The following GAREM2 variants were observed in gnomAD, a reference collection of about 807,000 sequenced individuals.
GAREM2 encodes GRB2 associated regulator of MAPK1 subtype 2, also known as GRB2-associated and regulator of MAPK protein 2.
Under a neutral mutation model 55.6 loss-of-function variants are expected in GAREM2, and 30 were observed. The observed-to-expected ratio is 0.54, with a 90% CI of 0.40 to 0.73. The LOEUF is 0.73. Ranked by LOEUF, GAREM2 falls within the 30% of genes least tolerant of loss-of-function variation. The pLI, the probability that GAREM2 is intolerant of heterozygous loss-of-function variation, is 0.00. For synonymous variants in GAREM2, 550 were observed against 569.1 expected (o/e 0.97, Z 0.48); for missense variants, 1,075 against 1,257.7 (o/e 0.85, Z 2.20).
chr2:26,179,424 A>C lies in GAREM2; in HGVS notation c.253+2940A>C, dbSNP rs1668972979. ...GGTGGGATTCAGCCAGATTTGTCGC[A>C]CTCCAAAGCCTGAGCTTTTACCCAC... On this transcript the variant is annotated intron_variant, in intron 2 of 5. Transcript: ENST00000401533. This position sits in a 1 kb window ranked among gnomAD's most constrained non-coding sequence, Gnocchi z 4.7. 6.6e-6 allele frequency among the ~76,000 whole-genome samples: 1 copy of C among 152,082 alleles called. No homozygotes were observed. The highest frequency in any genetic ancestry group is 2.4e-5 in the African/African-American group (1 of 41,398).
At chr2:26,203,150 A>G in the GAREM2 span, among the ~76,000 whole-genome samples, 1 of 152,260 alleles carries the variant, frequency 6.6e-6, no homozygotes, top group Non-Finnish European at 1.5e-5. Flanking sequence ...ACAACTTGTT[A>G]TCTTACAATA....
chr2:26,201,505 AAGGGAGGGTG>A, the GAREM2 span, among the ~76,000 whole-genome samples: 3 of 152,228 alleles, frequency 2.0e-5, no homozygotes, highest in Non-Finnish European at 4.4e-5. Context: ...ATAGCTTGAT[AAGGGAGGGTG>A]CTAGCATTCA....
At chr2:26,178,494 G>A (rs57598158) in intron 2 of GAREM2, among the ~76,000 whole-genome samples, 4 of 152,042 alleles carry the variant, frequency 2.6e-5, no homozygotes, top group Non-Finnish European at 5.9e-5. Context: ...GAAGCCAGGT[G>A]GGGGGGATCC....
chr2:26,186,235 G>T lies in GAREM2; in HGVS notation c.1475G>T (p.Arg492Leu). 6.5e-7 allele frequency: 1 copy of T among 1,546,948 alleles called. No homozygotes were observed. ...CTCAATGCCCCTCCAGTGCCTCCCCGGGGTGGCAATGGCAGCGGCCGGCTC... is the reference window on the plus strand; with the variant it reads ...CTCAATGCCCCTCCAGTGCCTCCCCTGGGTGGCAATGGCAGCGGCCGGCTC... Reference protein sequence around the residue: ...RLLNAPPVPPRGGNGSGRLSS... With the variant: ...RLLNAPPVPPLGGNGSGRLSS... The change falls in exon 5 of 6, where the codon CGG becomes CTG. Residue 492 changes from arginine to leucine, a missense_variant. By Grantham distance (102) the Arg-to-Leu change is moderately radical. Transcript: ENST00000401533.
At chr2:26,176,576 C>A (rs1007400397) in intron 2 of GAREM2, 92 bp downstream of exon 2, 20 of 1,198,590 alleles carry the variant, frequency 1.7e-5, no homozygotes, top group Non-Finnish European at 2.1e-5. Flanking sequence ...CTGGGACTAG[C>A]GAGGCGGTGA....
Position 26,188,471 on chromosome 2 carries a change from C to T in GAREM2, c.*214C>T, listed in dbSNP as rs1237461609. 7.1e-6 allele frequency: 3 copies of T among 423,220 alleles called. No individual in the cohort carries two copies. The highest frequency in any genetic ancestry group is 6.1e-5 in the African/African-American group (3 of 49,202). The allele number at this position is 423,220 out of a possible 1,614,324, so 26.2% of individuals were successfully genotyped here. A position where few individuals can be genotyped will look rare whatever the true frequency, so the allele number is the denominator to read the frequency against. On this transcript the variant is annotated 3_prime_UTR_variant, in exon 6 of 6. Transcript: ENST00000401533. ...ATCTTGCCTTTGAGTGTGCAGAGTA[C>T]ATGGGGAAGGGGCTGGGGGCACCAC...
chr2:26,182,569 C>A, intron 2 of GAREM2: 1 of 1,409,146 alleles, frequency 7.1e-7, no homozygotes, highest in Non-Finnish European at 9.8e-7. Context: ...GAACTTGTCA[C>A]GGCAAGTCAG....
chr2:26,188,318 C>A lies in GAREM2; in HGVS notation c.*61C>A. The A allele has an allele frequency of 7.8e-7, 1 of 1,283,286 alleles. No individual in the cohort carries two copies. Among genetic ancestry groups the A allele is most frequent in the Non-Finnish European group, 1.0e-6 (1 of 969,142 alleles). The allele number at this position is 1,283,286 out of a possible 1,614,324, so 79.5% of individuals were successfully genotyped here. On this transcript the variant is annotated 3_prime_UTR_variant, in exon 6 of 6. Transcript: ENST00000401533. ...TATGGGGGCCCCAGGTACAGCACTC[C>A]GGAGGAGCAGGTGCTGCCTGCAAGA...
chr2:26,195,310 AAC>A, the GAREM2 span: 2 of 1,210,576 alleles, frequency 1.7e-6, no homozygotes, highest in Non-Finnish European at 2.5e-6. Flanking sequence ...CTGCTAGGAA[AAC>A]ACTAGAAAGA....
At position 26,184,410 on chromosome 2, in the gene GAREM2, G is replaced by C. The variant is rs1261172807; in HGVS notation, c.562G>C (p.Gly188Arg). 5 of 1,483,860 alleles carry C rather than the reference G, an allele frequency of 3.4e-6. No homozygotes were observed. The highest frequency in any genetic ancestry group is 4.5e-6 in the Non-Finnish European group (5 of 1,115,092). 91.9% of individuals were successfully genotyped at this position (1,483,860 alleles called of 1,614,324 possible). A position where few individuals can be genotyped will look rare whatever the true frequency, so the allele number is the denominator to read the frequency against. ...LGRAGALAGV[G>R]GGGPASAGAA... ...CCGGGCCGGGGCGCTGGCCGGGGTGGGCGGCGGCGGCCCAGCGAGCGCGGG... is the reference window on the plus strand; with the variant it reads ...CCGGGCCGGGGCGCTGGCCGGGGTGCGCGGCGGCGGCCCAGCGAGCGCGGG... The change falls in exon 4 of 6, where the codon GGC becomes CGC. Residue 188 changes from glycine (G) to arginine (R), a missense_variant. Physicochemically the swap from Gly to Arg is moderately radical, Grantham distance 125 (BLOSUM62 -2). Coordinates refer to ENST00000401533, the MANE Select transcript of GAREM2 (RefSeq NM_001168241.2).
At chr2:26,178,416 C>T (rs992367065) in intron 2 of GAREM2, among the ~76,000 whole-genome samples, 4 of 151,978 alleles carry the variant, frequency 2.6e-5, no homozygotes, top group Non-Finnish European at 5.9e-5. Flanking sequence ...AACAACCCCC[C>T]CCCCCAACAA....
At chr2:26,191,860 G>A (rs1199322866), downstream of GAREM2, among the ~76,000 whole-genome samples, 4 of 152,196 alleles carry the variant, frequency 2.6e-5, no homozygotes, top group Non-Finnish European at 4.4e-5. Flanking sequence ...GCCTGGTGCC[G>A]AGAAGATAAT....
downstream of GAREM2, chr2:26,193,790 C>A (rs1057523303): frequency 6.2e-7 from 1 of 1,602,660 alleles, no homozygotes; most frequent in East Asian, 2.2e-5. Context: ...GGAAGCGATG[C>A]AGGGACCTCA....
At chr2:26,185,414 A>G (rs1025671644) in intron 4 of GAREM2, 138 bp downstream of exon 4, 1 of 1,308,880 alleles carries the variant, frequency 7.6e-7, no homozygotes, top group Non-Finnish European at 9.9e-7. Flanking sequence ...GAAAGGGCAG[A>G]GGCATGCCAG....
intron 2 of GAREM2, among the ~76,000 whole-genome samples, chr2:26,176,717 A>T (rs1380555096): frequency 6.6e-6 from 1 of 151,942 alleles, no homozygotes; most frequent in Admixed American, 6.6e-5. Flanking sequence ...ACTAATGATT[A>T]AAAAATACCC....
chr2:26,178,399 A>C (rs1668930550), intron 2 of GAREM2, among the ~76,000 whole-genome samples: 1 of 93,516 alleles, frequency 1.1e-5, no homozygotes, highest in Admixed American at 1.1e-4. Context: ...AAACAAAAAC[A>C]AAAACAAACA....
chr2:26,188,343 A>C lies in GAREM2; in HGVS notation c.*86A>C. ...CGGAGGAGCAGGTGCTGCCTGCAAG[A>C]AGGATCTATGTCGAGACTGAGGCTG... On this transcript the variant is annotated 3_prime_UTR_variant, in exon 6 of 6. Coordinates refer to ENST00000401533, the MANE Select transcript of GAREM2 (RefSeq NM_001168241.2). 9.3e-7 allele frequency: 1 copy of C among 1,076,396 alleles called. No individual in the cohort carries two copies. Among genetic ancestry groups the C allele is most frequent in the Non-Finnish European group, 1.3e-6 (1 of 781,654 alleles). The allele number at this position is 1,076,396 out of a possible 1,614,324, so 66.7% of individuals were successfully genotyped here. A position where few individuals can be genotyped will look rare whatever the true frequency, so the allele number is the denominator to read the frequency against.
chr2:26,183,435 T>C lies in GAREM2; in HGVS notation c.384+338T>C, dbSNP rs1171925405. On this transcript the variant is annotated intron_variant, in intron 3 of 5. Coordinates refer to ENST00000401533, the MANE Select transcript of GAREM2 (RefSeq NM_001168241.2). ...TGAGCAGGCAGTGTAAATAGACCCC[T>C]GCTGTGGGGTGGGAGCAGTGGCTCA... Among the ~76,000 whole-genome samples, 41 of 152,210 alleles carry C rather than the reference T, an allele frequency of 2.7e-4. 1 individual carries two copies. The highest frequency in any genetic ancestry group is 4.0e-4 in the Non-Finnish European group (27 of 68,024).
chr2:26,190,924 C>A (rs1669475376), downstream of GAREM2: 2 of 478,372 alleles, frequency 4.2e-6, no homozygotes, highest in Non-Finnish European at 7.7e-6. Flanking sequence ...GCAGAACTGC[C>A]CTCACCACCC....
Sources: gnomAD v4.1 joint callset for allele counts (sites outside exome capture counted in the v4.1 genomes callset) on GRCh38, gnomAD v4.1.1 for gene constraint, Gnocchi (gnomAD v3.1) non-coding constraint, MANE v1.5 for transcripts, NCBI Gene and HGNC (gene_info 2026-07-23, HGNC 2026-07-21) for gene names.